Variants in MTMR7 observed in about 807,000 individuals in gnomAD.
MTMR7 encodes myotubularin related protein 7, also known as phosphatidylinositol-3-phosphate phosphatase MTMR7.
In MTMR7, 76 loss-of-function variants were observed where a neutral mutation model predicts 81.2. That is an observed-to-expected ratio of 0.94 (90% CI 0.78 to 1.13). MTMR7 has a LOEUF of 1.13. Among genes scored for constraint, MTMR7 ranks in the 50% most tolerant of loss-of-function variants. The pLI is 0.00. For missense variants in MTMR7, 1,044 were observed against 820.0 expected, an observed-to-expected ratio of 1.27 and a Z score of -3.34; for synonymous variants, 372 against 289.8, an observed-to-expected ratio of 1.28 and a Z score of -2.88.
intron 7 of MTMR7, among the ~76,000 whole-genome samples, chr8:17,314,206 G>C (rs1358149925): frequency 1.3e-5 from 2 of 152,162 alleles, no homozygotes; most frequent in African/African-American, 4.8e-5. Context: ...CCAAAGTGGA[G>C]GTTTAGACCT....
chr8:17,370,624 A>C (rs1820389671), intron 3 of MTMR7, among the ~76,000 whole-genome samples: 1 of 151,846 alleles, frequency 6.6e-6, no homozygotes, highest in Non-Finnish European at 1.5e-5. Context: ...CAAACCTTAA[A>C]AGCATCAAGA....
chr8:17,339,097 A>C (rs1819335613), intron 6 of MTMR7: 1 of 152,230 alleles, frequency 6.6e-6, no homozygotes, highest in Admixed American at 6.5e-5. Context: ...ATCCACACAA[A>C]GGATAGGATG....
At chr8:17,318,046 C>T (rs1390278144) in intron 7 of MTMR7, among the ~76,000 whole-genome samples, 4 of 151,968 alleles carry the variant, frequency 2.6e-5, no homozygotes, top group Admixed American at 2.6e-4. Flanking sequence ...ACTGAGACTC[C>T]CTACATCAAA....
chr8:17,397,047 C>T (rs973750324), intron 1 of MTMR7, among the ~76,000 whole-genome samples: 7 of 151,896 alleles, frequency 4.6e-5, no homozygotes, highest in African/African-American at 9.7e-5. Flanking sequence ...CAAAAGAGCT[C>T]GGGCCCTGAA....
chr8:17,352,207 T>C (rs971671221), intron 4 of MTMR7, among the ~76,000 whole-genome samples: 1 of 152,176 alleles, frequency 6.6e-6, no homozygotes, highest in African/African-American at 2.4e-5. Flanking sequence ...GCCATATCTA[T>C]TTTGCAGCAA....
intron 7 of MTMR7, 114 bp from the exon 8 acceptor site, chr8:17,313,515 G>T (rs1817901558): frequency 1.3e-5 from 8 of 625,344 alleles, no homozygotes; most frequent in African/African-American, 1.9e-5. Flanking sequence ...GGTATTTTCT[G>T]GAAGCAAGCC....
chr8:17,357,118 T>C (rs1185063791), intron 4 of MTMR7, among the ~76,000 whole-genome samples: 1 of 152,170 alleles, frequency 6.6e-6, no homozygotes, highest in African/African-American at 2.4e-5. Flanking sequence ...CTATGTTATA[T>C]TTGTGAAATG....
intron 4 of MTMR7, among the ~76,000 whole-genome samples, chr8:17,354,307 C>T (rs1028312758): frequency 1.3e-5 from 2 of 152,086 alleles, no homozygotes; most frequent in Non-Finnish European, 1.5e-5. Context: ...CTGTGGAGAA[C>T]TGAAATAAAT....
intron 13 of MTMR7, among the ~76,000 whole-genome samples, chr8:17,300,615 A>T (rs1240485903): frequency 6.6e-6 from 1 of 152,228 alleles, no homozygotes; most frequent in Non-Finnish European, 1.5e-5. Context: ...ACTGAGATAC[A>T]ATTCACTTAC....
chr8:17,342,049 GCACATACCTGTGCTGA>G (rs1255992414), intron 5 of MTMR7, among the ~76,000 whole-genome samples: 1 of 152,090 alleles, frequency 6.6e-6, no homozygotes, highest in African/African-American at 2.4e-5. Context: ...AGGACAGCAG[GCACATACCTGTGCTGA>G]CTCAAGTCTA....
intron 10 of MTMR7, among the ~76,000 whole-genome samples, chr8:17,308,561 T>C (rs768969030): frequency 3.9e-5 from 6 of 152,196 alleles, no homozygotes; most frequent in Non-Finnish European, 5.9e-5. Flanking sequence ...TATATCAAAC[T>C]AATGAAACTT....
intron 1 of MTMR7, among the ~76,000 whole-genome samples, chr8:17,399,668 A>G (rs977567536): frequency 3.3e-5 from 5 of 152,170 alleles, no homozygotes; most frequent in African/African-American, 1.2e-4. Context: ...AGAATAGCCA[A>G]ATGTATTCTG....
At chr8:17,394,219 T>C (rs1483586989) in intron 1 of MTMR7, among the ~76,000 whole-genome samples, 1 of 152,146 alleles carries the variant, frequency 6.6e-6, no homozygotes, top group Non-Finnish European at 1.5e-5. Flanking sequence ...TGATAACATA[T>C]TTTCACACAC....
At chr8:17,362,647 T>C (rs1820094268) in intron 3 of MTMR7, among the ~76,000 whole-genome samples, 1 of 152,192 alleles carries the variant, frequency 6.6e-6, no homozygotes, top group Non-Finnish European at 1.5e-5. Flanking sequence ...TCCTTCTCTC[T>C]TCTTCTTCCT....
chr8:17,395,216 A>T (rs2150580059), intron 1 of MTMR7, among the ~76,000 whole-genome samples: 1 of 152,270 alleles, frequency 6.6e-6, no homozygotes, highest in Non-Finnish European at 1.5e-5. Context: ...AATGTCTTCA[A>T]GGTTCACCCA....
intron 7 of MTMR7, among the ~76,000 whole-genome samples, chr8:17,321,806 T>C (rs958820294): frequency 6.6e-6 from 1 of 152,216 alleles, no homozygotes; most frequent in East Asian, 1.9e-4. Flanking sequence ...TCTAGTGATA[T>C]TTGTTTTATA....
At chr8:17,365,608 A>T (rs1820202150) in intron 3 of MTMR7, among the ~76,000 whole-genome samples, 1 of 152,148 alleles carries the variant, frequency 6.6e-6, no homozygotes, top group African/African-American at 2.4e-5. Context: ...CGAAGGCCTC[A>T]CCCTAAGGGG....
chr8:17,364,021 ATTTTTTTTTTTTT>A (rs36217265), intron 3 of MTMR7, among the ~76,000 whole-genome samples: 2 of 71,056 alleles, frequency 2.8e-5, no homozygotes, highest in Admixed American at 3.6e-4. Context: ...TGTTGCTATT[ATTTTTTTTTTTTT>A]TTTTTTTTTT....
intron 5 of MTMR7, among the ~76,000 whole-genome samples, chr8:17,344,584 C>T (rs1819499268): frequency 6.6e-6 from 1 of 152,168 alleles, no homozygotes; most frequent in African/African-American, 2.4e-5. Flanking sequence ...GCACTCCAGC[C>T]TGGGTGACAG....
Sources: gnomAD v4.1 joint callset for allele counts (sites outside exome capture counted in the v4.1 genomes callset) on GRCh38, gnomAD v4.1.1 for gene constraint, MANE v1.5 for transcripts, NCBI Gene and HGNC (gene_info 2026-07-23, HGNC 2026-07-21) for gene names.